The following ADGRL4 variants were observed in gnomAD, a reference collection of about 807,000 sequenced individuals.
The protein encoded by ADGRL4 is EGF, latrophilin and seven transmembrane domain containing 1.
A neutral mutation model predicts 74.8 loss-of-function variants in ADGRL4; 90 were observed. The ratio of observed to expected loss-of-function variants is 1.20; its 90% CI spans 1.02 to 1.43. The LOEUF (loss-of-function observed/expected upper bound fraction) is 1.43. ADGRL4 is among the 40% of genes most tolerant of loss of function. The pLI, the probability that ADGRL4 is intolerant of heterozygous loss-of-function variation, is 0.00. For missense variants in ADGRL4, 881 were observed against 814.3 expected, an observed-to-expected ratio of 1.08 and a Z score of -1.00; for synonymous variants, 311 against 279.2, an observed-to-expected ratio of 1.11 and a Z score of -1.14.
At chr1:78,923,118 AC>A (rs1649036666) in intron 8 of ADGRL4, among the ~76,000 whole-genome samples, 1 of 151,938 alleles carries the variant, frequency 6.6e-6, no homozygotes, top group African/African-American at 2.4e-5. Context: ...TATGAAGAAA[AC>A]TGAAATTCTT....
At chr1:78,942,228 C>T (rs1649501617) in intron 3 of ADGRL4, among the ~76,000 whole-genome samples, 1 of 148,866 alleles carries the variant, frequency 6.7e-6, no homozygotes, top group Admixed American at 6.7e-5. Flanking sequence ...AGAGTTCTAC[C>T]TCATCAACAA....
At chr1:79,005,706 T>C (rs938355738) in intron 1 of ADGRL4, among the ~76,000 whole-genome samples, 1 of 152,244 alleles carries the variant, frequency 6.6e-6, no homozygotes, top group African/African-American at 2.4e-5. Context: ...GGAGAACAGA[T>C]GCACTTGCTG....
Position 78,929,878 on chromosome 1 carries a change from G to A in ADGRL4, c.878-2787C>T, listed in dbSNP as rs1000372134. On this transcript the variant is annotated intron_variant, in intron 7 of 14. Coordinates refer to ENST00000370742, the MANE Select transcript of ADGRL4 (RefSeq NM_022159.4). ...AATTTCATCATCTGTCACTATAATC[G>A]GTATTTTCAATGTCTTTTTTCCAAC... 5.9e-5 allele frequency among the ~76,000 whole-genome samples: 9 copies of A among 151,350 alleles called. No homozygotes were observed. The East Asian group carries it at 9.7e-4, about 16-fold the overall frequency.
intron 12 of ADGRL4, among the ~76,000 whole-genome samples, chr1:78,901,211 C>T (rs1161253871): frequency 6.6e-6 from 1 of 152,054 alleles, no homozygotes; most frequent in Admixed American, 6.6e-5. Context: ...ACTTGGCATC[C>T]TTCATGTCAA....
At chr1:78,919,842 A>G (rs1310247798) in intron 10 of ADGRL4, among the ~76,000 whole-genome samples, 2 of 151,978 alleles carry the variant, frequency 1.3e-5, no homozygotes. Flanking sequence ...TCCCTATTCT[A>G]AGATAAAGTT....
rs898580452 is a variant in ADGRL4 at position 78,931,156 on chromosome 1, A to G, written c.878-4065T>C. Among the ~76,000 whole-genome samples the G allele has an allele frequency of 4.0e-5, 6 of 151,296 alleles. 1 individual carries two copies. The highest frequency in any genetic ancestry group is 1.5e-4 in the African/African-American group (6 of 40,634). On this transcript the variant is annotated intron_variant, in intron 7 of 14. Transcript: ENST00000370742. ...AGATTCTCCAAGGCCAAAATTAAGG[A>G]AAAAATGTTATGGGCAGCCAGACAG...
intron 2 of ADGRL4, among the ~76,000 whole-genome samples, chr1:78,977,112 T>A (rs747426858): frequency 6.6e-6 from 1 of 151,710 alleles, no homozygotes; most frequent in Admixed American, 6.6e-5. Flanking sequence ...AGTTAAATTA[T>A]GCTTACACCC....
At position 78,946,259 on chromosome 1, in the gene ADGRL4, G is replaced by A. The variant is rs1424520126; in HGVS notation, c.325+15C>T. 3 of 1,586,304 alleles carry A rather than the reference G, an allele frequency of 1.9e-6. No homozygotes were observed. The highest frequency in any genetic ancestry group is 2.6e-6 in the Non-Finnish European group (3 of 1,169,600). On this transcript the variant is annotated intron_variant, in intron 3 of 14. Coordinates refer to ENST00000370742, the MANE Select transcript of ADGRL4 (RefSeq NM_022159.4). Reference sequence around the variant, plus strand: ...AGAGATATATACAAATTCTAACTTAGATAACCGAACTTACCTATACAGACG... The same window carrying A: ...AGAGATATATACAAATTCTAACTTAAATAACCGAACTTACCTATACAGACG...
chr1:78,948,273 T>A (rs186919457), intron 2 of ADGRL4, among the ~76,000 whole-genome samples: 2 of 152,122 alleles, frequency 1.3e-5, no homozygotes, highest in Non-Finnish European at 2.9e-5. Flanking sequence ...CTTTGAGATA[T>A]GAAAGAACAA....
At chr1:78,891,426 C>A in intron 14 of ADGRL4, 98 bp downstream of exon 14, 1 of 1,347,590 alleles carries the variant, frequency 7.4e-7, no homozygotes, top group Non-Finnish European at 1.0e-6. Context: ...GCAATAAAGG[C>A]AGAAGTCATA....
chr1:78,968,500 C>CG (rs1377907295), intron 2 of ADGRL4, among the ~76,000 whole-genome samples: 1,927 of 5,238 alleles, frequency 0.37, 135 homozygotes, highest in African/African-American at 0.43. Context: ...GGGTGGAGGG[C>CG]GGTGGGGGGG....
chr1:78,936,494 C>T (rs1649357214), intron 6 of ADGRL4, 83 bp from the exon 7 acceptor site: 2 of 1,195,258 alleles, frequency 1.7e-6, no homozygotes, highest in Non-Finnish European at 2.3e-6. Flanking sequence ...GAGACAATTT[C>T]ATCCATCATT....
Position 78,920,258 on chromosome 1 carries a change from A to G in ADGRL4, c.1386T>C (p.Ile462=). ...FSEIQSTRTT[I]HKNLCCSLFL... ...ATAGGCTACAGCAAAGATTTTTGTG[A>G]ATTGTTGTCCTGGTGCTTTGAATTT... is the stretch of plus-strand genomic sequence containing the variant. Residue 462 remains isoleucine (I), a synonymous_variant, in exon 10 of 15, where the codon ATT becomes ATC. Transcript: ENST00000370742. The G allele has an allele frequency of 6.2e-7, 1 of 1,612,214 alleles. No homozygotes were observed. Among genetic ancestry groups the G allele is most frequent in the Non-Finnish European group, 8.5e-7 (1 of 1,178,884 alleles).
At chr1:78,923,453 T>G (rs1451541668) in intron 8 of ADGRL4, among the ~76,000 whole-genome samples, 3 of 152,004 alleles carry the variant, frequency 2.0e-5, no homozygotes, top group African/African-American at 7.2e-5. Context: ...ATGAAAACTC[T>G]AGTGAAGCAC....
At chr1:78,938,480 G>T (rs978090163) in intron 4 of ADGRL4, among the ~76,000 whole-genome samples, 14 of 151,818 alleles carry the variant, frequency 9.2e-5, no homozygotes, top group African/African-American at 3.4e-4. Context: ...TAACTTAAAA[G>T]CCTAGACTTG....
At chr1:78,943,243 C>T (rs941212996) in intron 3 of ADGRL4, among the ~76,000 whole-genome samples, 3 of 152,120 alleles carry the variant, frequency 2.0e-5, no homozygotes, top group Non-Finnish European at 4.4e-5. Context: ...AAACAATGCT[C>T]TAAAACACAT....
intron 2 of ADGRL4, among the ~76,000 whole-genome samples, chr1:78,955,560 T>A (rs1649811989): frequency 6.6e-6 from 1 of 152,058 alleles, no homozygotes; most frequent in Admixed American, 6.6e-5. Context: ...CTTTGTTTTT[T>A]TTCCTACAAT....
intron 2 of ADGRL4, among the ~76,000 whole-genome samples, chr1:78,976,163 C>G (rs1290023467): frequency 1.3e-5 from 2 of 151,838 alleles, no homozygotes; most frequent in East Asian, 3.9e-4. Flanking sequence ...CAGAAACAAA[C>G]AAGCAAAAAC....
intron 2 of ADGRL4, among the ~76,000 whole-genome samples, chr1:78,969,555 T>C (rs996820463): frequency 1.3e-5 from 2 of 152,148 alleles, no homozygotes; most frequent in Admixed American, 6.5e-5. Flanking sequence ...AAGGTCTTAT[T>C]TGAGATTCCT....
Sources: gnomAD v4.1 joint callset for allele counts (sites outside exome capture counted in the v4.1 genomes callset) on GRCh38, gnomAD v4.1.1 for gene constraint, MANE v1.5 for transcripts, NCBI Gene and HGNC (gene_info 2026-07-23, HGNC 2026-07-21) for gene names.